Variants in PCDHGA8 observed in about 807,000 individuals in gnomAD.
PCDHGA8 encodes the protein protocadherin gamma-A8.
PCDHGA8 carries 45 observed loss-of-function variants against 59.2 expected under a neutral mutation model. The ratio of observed to expected loss-of-function variants is 0.76; its 90% confidence interval spans 0.60 to 0.98. The LOEUF (loss-of-function observed/expected upper bound fraction) is 0.98, where lower values mean the gene tolerates loss of function less well. Among genes scored for constraint, PCDHGA8 ranks in the 50% least tolerant of loss-of-function variants. PCDHGA8 has a pLI of 0.00. For synonymous variants in PCDHGA8, 531 were observed against 519.0 expected, an observed-to-expected ratio of 1.02 and a Z score of -0.32; for missense variants, 1,257 against 1,196.2, an observed-to-expected ratio of 1.05 and a Z score of -0.75.
chr5:141,422,629 A>C lies in PCDHGA8; in HGVS notation c.2424+27392A>C, dbSNP rs780472571. 1.9e-6 allele frequency: 3 copies of C among 1,613,270 alleles called. No homozygotes were observed. The Admixed American group carries it at 5.0e-5, about 27-fold the overall frequency. Reference sequence around the variant, plus strand: ...TGCCTACATTCCCGAAAACAACCCCAGGGGTGCCTCCATCTTCTCAGTGAC... The same window carrying C: ...TGCCTACATTCCCGAAAACAACCCCCGGGGTGCCTCCATCTTCTCAGTGAC... On this transcript the variant is annotated intron_variant, in intron 1 of 3. Transcript: ENST00000398604.
intron 1 of PCDHGA8, chr5:141,423,111 T>C (rs1394665462): frequency 3.1e-6 from 5 of 1,613,718 alleles, no homozygotes; most frequent in South Asian, 1.1e-5. Flanking sequence ...GCGAGGTGCG[T>C]ACAGCGCGGG....
At chr5:141,413,267 GA>G in intron 1 of PCDHGA8, 1 of 1,613,960 alleles carries the variant, frequency 6.2e-7, no homozygotes, top group Non-Finnish European at 8.5e-7. Flanking sequence ...TGGGAGGCTG[GA>G]GCCCGGCAGA....
chr5:141,466,278 T>G (rs1459665755), intron 1 of PCDHGA8, among the ~76,000 whole-genome samples: 1 of 152,128 alleles, frequency 6.6e-6, no homozygotes, highest in Non-Finnish European at 1.5e-5. Context: ...TCAAGCAATC[T>G]TCCCACCTCA....
In PCDHGA8 at chr5:141,392,941, C is replaced by T. The variant is rs780347240; in HGVS notation, c.128C>T (p.Ser43Phe). 1 of 1,613,940 alleles carries T rather than the reference C, an allele frequency of 6.2e-7. No homozygotes were observed. Residue 43 changes from serine (S) to phenylalanine (F), a missense_variant, in exon 1 of 4, where the codon TCC becomes TTC. Coordinates refer to ENST00000398604, the MANE Select transcript of PCDHGA8 (RefSeq NM_032088.2). ...GTGCCAGAAGAGACGGACAAAGGCT[C>T]CTTCGTGGGTAATATCTCCAAGGAC... is the stretch of plus-strand genomic sequence containing the variant. ...YSVPEETDKG[S>F]FVGNISKDLG...
At chr5:141,464,035 C>T (rs564886798) in intron 1 of PCDHGA8, among the ~76,000 whole-genome samples, 1 of 152,066 alleles carries the variant, frequency 6.6e-6, no homozygotes, top group African/African-American at 2.4e-5. Context: ...GAGGCCAAGG[C>T]GGGTGGATCA....
intron 1 of PCDHGA8, chr5:141,404,337 C>CG (rs1376523964): frequency 1.9e-6 from 3 of 1,613,784 alleles, no homozygotes; most frequent in Non-Finnish European, 2.5e-6. Context: ...GTCTACCTCC[C>CG]GGAAAACAAC....
rs980196319 is a variant in PCDHGA8 at position 141,511,604 on chromosome 5, A to C, written c.*431A>C. 3 of 248,420 alleles carry C rather than the reference A, an allele frequency of 1.2e-5. No individual in the cohort carries two copies. Among genetic ancestry groups the C allele is most frequent in the African/African-American group, 6.6e-5 (3 of 45,596 alleles). The allele number at this position is 248,420 out of a possible 1,614,324, so 15.4% of individuals were successfully genotyped here. Reference sequence around the variant, plus strand: ...GGTGTTGAAGTACCAAGTAACCTACAAGCCTCCTAGTTCTGAAAAGTTGGA... The same window carrying C: ...GGTGTTGAAGTACCAAGTAACCTACCAGCCTCCTAGTTCTGAAAAGTTGGA... On this transcript the variant is annotated 3_prime_UTR_variant, in exon 4 of 4. Coordinates refer to ENST00000398604, the MANE Select transcript of PCDHGA8 (RefSeq NM_032088.2).
At chr5:141,427,777 C>A in intron 1 of PCDHGA8, 1 of 1,432,382 alleles carries the variant, frequency 7.0e-7, no homozygotes, top group Non-Finnish European at 9.7e-7. Flanking sequence ...GAGCTGCGGG[C>A]ACTGTCGTCC....
chr5:141,483,444 T>C (rs956913442), intron 1 of PCDHGA8, among the ~76,000 whole-genome samples: 1 of 152,108 alleles, frequency 6.6e-6, no homozygotes, highest in African/African-American at 2.4e-5. Context: ...TACAATAAAA[T>C]CATCAGGACT....
chr5:141,410,712 T>C (rs776042818), intron 1 of PCDHGA8: 2 of 1,437,800 alleles, frequency 1.4e-6, no homozygotes, highest in Non-Finnish European at 1.9e-6. Context: ...TCTAGAATCA[T>C]ATGTTTAAAA....
intron 1 of PCDHGA8, chr5:141,421,579 T>G (rs753573473): frequency 1.9e-6 from 3 of 1,613,816 alleles, no homozygotes; most frequent in Non-Finnish European, 2.5e-6. Context: ...CTTGAAGATT[T>G]ACGGAGTGGA....
Position 141,438,239 on chromosome 5 carries a change from A to C in PCDHGA8, c.2424+43002A>C, listed in dbSNP as rs550172792. Among the ~76,000 whole-genome samples, 9 of 152,298 alleles carry C rather than the reference A, an allele frequency of 5.9e-5. No homozygotes were observed. In the East Asian group the frequency reaches 1.7e-3, roughly 29 times the overall value. On this transcript the variant is annotated intron_variant, in intron 1 of 3. Transcript: ENST00000398604. ...GCTCTGGTTCAGGAAAATGTTTTTA[A>C]AAAACTGTCATTGAAGAGACCATAG...
chr5:141,478,142 G>T (rs774271595), intron 1 of PCDHGA8: 8 of 1,613,988 alleles, frequency 5.0e-6, no homozygotes, highest in Non-Finnish European at 6.8e-6. Flanking sequence ...AGCCCGAGCC[G>T]AGTTCCCCTC....
intron 1 of PCDHGA8, chr5:141,410,578 T>G: frequency 1.9e-6 from 3 of 1,610,984 alleles, no homozygotes; most frequent in Non-Finnish European, 2.5e-6. Context: ...TTCCACCTCA[T>G]GGTGGGGAGG....
chr5:141,500,521 A>T lies in PCDHGA8; in HGVS notation c.2484-4872A>T, dbSNP rs185546944. 3.7e-3 allele frequency among the ~76,000 whole-genome samples: 560 copies of T among 152,176 alleles called. 5 individuals are homozygous for T. Among genetic ancestry groups the T allele is most frequent in the Admixed American group, 0.011 (162 of 15,280 alleles). On this transcript the variant is annotated intron_variant, in intron 2 of 3. Coordinates refer to ENST00000398604, the MANE Select transcript of PCDHGA8 (RefSeq NM_032088.2). Reference sequence around the variant, plus strand: ...ACCGCGCCTGGCCGAGCTTCATTTTAAAAAAATCTCATTCACCTAAATAAG... The same window carrying T: ...ACCGCGCCTGGCCGAGCTTCATTTTTAAAAAATCTCATTCACCTAAATAAG...
chr5:141,399,059 A>T (rs769553635), intron 1 of PCDHGA8: 8 of 1,613,882 alleles, frequency 5.0e-6, no homozygotes, highest in Non-Finnish European at 6.8e-6. Context: ...ACCAAGGAAT[A>T]TTCAATGGTT....
In PCDHGA8 at chr5:141,415,239, T is replaced by G. The variant is rs781763142; in HGVS notation, c.2424+20002T>G. The G allele has an allele frequency of 8.1e-6, 13 of 1,614,068 alleles. No individual in the cohort carries two copies. The South Asian group carries it at 1.3e-4, about 16-fold the overall frequency. The stretch of plus-strand genomic sequence containing the variant: ...GCAGCTTCGAGTCTCCAGCTAACTC[T>G]GAAACCTCAGACCTCACTCTGTACC... On this transcript the variant is annotated intron_variant, in intron 1 of 3. Coordinates refer to ENST00000398604, the MANE Select transcript of PCDHGA8 (RefSeq NM_032088.2).
chr5:141,393,769 T>C lies in PCDHGA8; in HGVS notation c.956T>C (p.Ile319Thr). 2 of 1,613,912 alleles carry C rather than the reference T, an allele frequency of 1.2e-6. No individual in the cohort carries two copies. Among genetic ancestry groups the C allele is most frequent in the Non-Finnish European group, 1.7e-6 (2 of 1,179,892 alleles). Residue 319 changes from isoleucine (I) to threonine (T), a missense_variant, in exon 1 of 4, where the codon ATA becomes ACA. Transcript: ENST00000398604. Reference protein sequence around the residue: ...YEECSFYEMEIQAEDVGALLG... With the variant: ...YEECSFYEMETQAEDVGALLG... ...GAATGTTCATTTTATGAAATGGAAA[T>C]ACAAGCCGAAGATGTGGGGGCACTT...
At position 141,490,176 on chromosome 5, in the gene PCDHGA8, G is replaced by T. The variant is rs758876319; in HGVS notation, c.2425-4631G>T. On this transcript the variant is annotated intron_variant, in intron 1 of 3. Transcript: ENST00000398604. This position sits in a 1 kb window ranked among gnomAD's most constrained non-coding sequence, Gnocchi z 5.4. ...TGTTGGGTCCCATAGACTTTGAGGAGTCACGTTTCTATGAAATTCATGCAA... is the reference window on the plus strand; with the variant it reads ...TGTTGGGTCCCATAGACTTTGAGGATTCACGTTTCTATGAAATTCATGCAA... 12 of 1,614,100 alleles carry T rather than the reference G, an allele frequency of 7.4e-6. No homozygotes were observed. Among genetic ancestry groups the T allele is most frequent in the Non-Finnish European group, 1.0e-5 (12 of 1,180,046 alleles).
Sources: allele counts gnomAD v4.1 joint callset (sites outside exome capture counted in the v4.1 genomes callset), GRCh38; gene constraint gnomAD v4.1.1; non-coding constraint Gnocchi (gnomAD v3.1); transcripts MANE v1.5; gene names NCBI Gene and HGNC (gene_info 2026-07-23, HGNC 2026-07-21).